SNX2: variants seen among roughly 807,000 people sequenced by gnomAD.
SNX2 encodes sorting nexin-2.
A neutral mutation model predicts 69.9 loss-of-function variants in SNX2; 25 were observed. The ratio of observed to expected loss-of-function variants is 0.36; its 90% confidence interval spans 0.26 to 0.50. SNX2 has a LOEUF of 0.50. Among genes scored for constraint, SNX2 ranks in the 20% least tolerant of loss-of-function variants. The pLI, the probability that SNX2 is intolerant of heterozygous loss-of-function variation, is 0.97. For synonymous variants in SNX2, 229 were observed against 200.4 expected, an observed-to-expected ratio of 1.14 and a Z score of -1.20; for missense variants, 551 against 613.3, an observed-to-expected ratio of 0.90 and a Z score of 1.07.
chr5:122,809,789 A>AGATT (rs1372593031), intron 7 of SNX2, among the ~76,000 whole-genome samples: 1 of 152,210 alleles, frequency 6.6e-6, no homozygotes, highest in Non-Finnish European at 1.5e-5. Context: ...CAGTGAAGTT[A>AGATT]GATTTGAACA....
intron 10 of SNX2, 101 bp from the exon 11 acceptor site, chr5:122,818,717 T>G: frequency 1.1e-6 from 1 of 888,160 alleles, no homozygotes; most frequent in Middle Eastern, 3.5e-4. Context: ...TTTGAGCAAC[T>G]TGTGCATAAG....
intron 11 of SNX2, among the ~76,000 whole-genome samples, chr5:122,824,318 C>A (rs1480516262): frequency 2.6e-5 from 4 of 151,732 alleles, no homozygotes; most frequent in Non-Finnish European, 5.9e-5. Context: ...AATTCTTCTT[C>A]CATTGTGGCC....
At chr5:122,775,401 A>G in intron 1 of SNX2, 190 bp downstream of exon 1, 2 of 1,283,108 alleles carry the variant, frequency 1.6e-6, no homozygotes, top group Non-Finnish European at 2.0e-6. Context: ...CCTCCTCAGG[A>G]GAGCAGCCTG....
At chr5:122,795,181 A>C in intron 1 of SNX2, 85 bp from the exon 2 acceptor site, 3 of 811,200 alleles carry the variant, frequency 3.7e-6, no homozygotes, top group Non-Finnish European at 6.2e-6. Flanking sequence ...TTTCAAGAGA[A>C]TGTTCTATTT....
At chr5:122,780,610 C>A (rs556289038) in intron 1 of SNX2, among the ~76,000 whole-genome samples, 1 of 145,448 alleles carries the variant, frequency 6.9e-6, no homozygotes, top group African/African-American at 2.5e-5. Flanking sequence ...CTTGCGCTGT[C>A]CCAGGCTGGA....
chr5:122,793,515 G>A (rs990057129), intron 1 of SNX2, among the ~76,000 whole-genome samples: 1 of 152,182 alleles, frequency 6.6e-6, no homozygotes, highest in Non-Finnish European at 1.5e-5. Context: ...CATGATCCAA[G>A]TGCATTTGCA....
intron 1 of SNX2, among the ~76,000 whole-genome samples, chr5:122,785,433 C>G (rs537218595): frequency 2.3e-4 from 35 of 152,092 alleles, no homozygotes; most frequent in Middle Eastern, 3.4e-3. Context: ...CAAGTGTGAG[C>G]CACTGCACCG....
chr5:122,775,010 C>A (rs1202118337), upstream of SNX2: 2 of 1,228,424 alleles, frequency 1.6e-6, no homozygotes, highest in East Asian at 3.4e-5. Context: ...CGGCCGGGGG[C>A]GGGGAGGCTG....
rs903088159 is a variant in SNX2 at position 122,830,533 on chromosome 5, C to A, written c.*885C>A. On this transcript the variant is annotated 3_prime_UTR_variant, in exon 15 of 15. Transcript: ENST00000379516. ...TTTTTCTTTTAAACTAAAAGTATATCATCTGTGCTCACAGTTGACAAGGAA... is the reference window on the plus strand; with the variant it reads ...TTTTTCTTTTAAACTAAAAGTATATAATCTGTGCTCACAGTTGACAAGGAA... Among the ~76,000 whole-genome samples the A allele has an allele frequency of 5.9e-5, 9 of 151,838 alleles. No individual in the cohort carries two copies. Among genetic ancestry groups the A allele is most frequent in the African/African-American group, 1.9e-4 (8 of 41,312 alleles).
chr5:122,802,250 A>G, intron 5 of SNX2, 126 bp downstream of exon 5: 1 of 838,140 alleles, frequency 1.2e-6, no homozygotes. Context: ...AAGATTGCCA[A>G]GAAGTAGGTG....
chr5:122,777,425 G>A (rs1325144375), intron 1 of SNX2, among the ~76,000 whole-genome samples: 2 of 152,126 alleles, frequency 1.3e-5, no homozygotes, highest in African/African-American at 4.8e-5. Flanking sequence ...TAGATCATCA[G>A]GCTTGAATAG....
Position 122,829,662 on chromosome 5 carries a change from G to C in SNX2, c.*14G>C, listed in dbSNP as rs1754237317. ...GCCATTGCCTAGCAATAAGATTGTT[G>C]CCGTTAAGAAGACCTTGGATGTTGT... is the stretch of plus-strand genomic sequence containing the variant. On this transcript the variant is annotated 3_prime_UTR_variant, in exon 15 of 15. Coordinates refer to ENST00000379516, the MANE Select transcript of SNX2 (RefSeq NM_003100.4). The C allele has an allele frequency of 6.2e-7, 1 of 1,610,754 alleles. No homozygotes were observed. The highest frequency in any genetic ancestry group is 1.7e-5 in the Admixed American group (1 of 59,978).
intron 1 of SNX2, chr5:122,775,557 G>A: frequency 9.8e-7 from 1 of 1,015,426 alleles, no homozygotes; most frequent in Non-Finnish European, 1.2e-6. Context: ...CTGCATCCCA[G>A]TAAACCTCCA....
chr5:122,778,546 T>C (rs1561436850), intron 1 of SNX2, among the ~76,000 whole-genome samples: 1 of 152,144 alleles, frequency 6.6e-6, no homozygotes, highest in Admixed American at 6.5e-5. Context: ...TCTCGCTCTG[T>C]CACCCAGGGT....
chr5:122,780,702 T>C (rs1479953483), intron 1 of SNX2, among the ~76,000 whole-genome samples: 2 of 151,824 alleles, frequency 1.3e-5, no homozygotes, highest in Non-Finnish European at 2.9e-5. Context: ...TCCACGTAGC[T>C]GGGATTACAG....
intron 1 of SNX2, among the ~76,000 whole-genome samples, chr5:122,787,812 G>C (rs1193528406): frequency 6.6e-6 from 1 of 151,968 alleles, no homozygotes; most frequent in African/African-American, 2.4e-5. Flanking sequence ...AGTACCCAAG[G>C]TATTAGCAAT....
chr5:122,826,272 T>TC, intron 12 of SNX2, 79 bp downstream of exon 12: 2 of 1,310,486 alleles, frequency 1.5e-6, no homozygotes, highest in Non-Finnish European at 2.1e-6. Flanking sequence ...CATAATTTTT[T>TC]GTAAACCATT....
At chr5:122,785,063 C>CT (rs1021238125) in intron 1 of SNX2, among the ~76,000 whole-genome samples, 6 of 151,780 alleles carry the variant, frequency 4.0e-5, no homozygotes, top group Non-Finnish European at 5.9e-5. Flanking sequence ...GTAAACTTTT[C>CT]TTTTTTTTCC....
At chr5:122,827,716 A>G (rs1297411767) in intron 14 of SNX2, 70 bp downstream of exon 14, 2 of 1,054,952 alleles carry the variant, frequency 1.9e-6, no homozygotes, top group Admixed American at 2.2e-5. Flanking sequence ...TTTTAAAAAG[A>G]TGATTAATGA....
Sources: allele counts gnomAD v4.1 joint callset (sites outside exome capture counted in the v4.1 genomes callset), GRCh38; gene constraint gnomAD v4.1.1; transcripts MANE v1.5; gene names NCBI Gene and HGNC (gene_info 2026-07-23, HGNC 2026-07-21).